Variants in TTLL5 observed in about 807,000 individuals in gnomAD.
The protein encoded by TTLL5 is tubulin polyglutamylase TTLL5.
Under a neutral mutation model 168.4 loss-of-function variants are expected in TTLL5, and 132 were observed. That is an observed-to-expected ratio of 0.78 (90% CI 0.68 to 0.91). The LOEUF (loss-of-function observed/expected upper bound fraction) is 0.91, where lower values mean the gene tolerates loss of function less well. TTLL5 is among the 40% of genes least tolerant of loss of function. The pLI is 0.00. For missense variants in TTLL5, 1,545 were observed against 1,581.5 expected, an observed-to-expected ratio of 0.98 and a Z score of 0.39; for synonymous variants, 546 against 558.6, an observed-to-expected ratio of 0.98 and a Z score of 0.32.
At chr14:75,733,495 G>T (rs1888681481) in intron 13 of TTLL5, among the ~76,000 whole-genome samples, 1 of 151,840 alleles carries the variant, frequency 6.6e-6, no homozygotes, top group Non-Finnish European at 1.5e-5. Flanking sequence ...AAGCCTGCAA[G>T]CCTAAGAAAT....
At chr14:75,780,452 C>T (rs1891980688) in intron 24 of TTLL5, among the ~76,000 whole-genome samples, 1 of 151,958 alleles carries the variant, frequency 6.6e-6, no homozygotes. Flanking sequence ...CTGTCTAGCT[C>T]ACGTCACCAT....
intron 26 of TTLL5, among the ~76,000 whole-genome samples, chr14:75,787,002 G>A (rs558719575): frequency 1.3e-5 from 2 of 152,062 alleles, no homozygotes; most frequent in African/African-American, 2.4e-5. Flanking sequence ...GCATGGTGGC[G>A]CTGGCCTGTA....
intron 31 of TTLL5, among the ~76,000 whole-genome samples, chr14:75,906,095 G>A (rs1020783791): frequency 6.6e-6 from 1 of 152,128 alleles, no homozygotes; most frequent in African/African-American, 2.4e-5. Context: ...CACTTCGTTG[G>A]GTCCCTGAGA....
chr14:75,720,581 A>C lies in TTLL5; in HGVS notation c.935-15A>C, dbSNP rs1043689423. Reference sequence around the variant, plus strand: ...TTTGATATTGAGTCTGAAATTTAAAAATTTTTGTTTGCAGCATTGATGGCC... The same window carrying C: ...TTTGATATTGAGTCTGAAATTTAAACATTTTTGTTTGCAGCATTGATGGCC... On this transcript the variant is annotated splice_polypyrimidine_tract_variant and intron_variant, in intron 11 of 31. Coordinates refer to ENST00000298832, the MANE Select transcript of TTLL5 (RefSeq NM_015072.5). 14 of 1,602,258 alleles carry C rather than the reference A, an allele frequency of 8.7e-6. No individual in the cohort carries two copies. In the Admixed American group the frequency reaches 1.7e-4, roughly 19 times the overall value.
At chr14:75,906,948 G>T (rs2033171840) in intron 31 of TTLL5, among the ~76,000 whole-genome samples, 1 of 152,022 alleles carries the variant, frequency 6.6e-6, no homozygotes, top group Admixed American at 6.6e-5. Flanking sequence ...AAAAATACGA[G>T]GATTTTAAGA....
chr14:75,820,927 G>C (rs1894795908), intron 28 of TTLL5, among the ~76,000 whole-genome samples: 1 of 152,080 alleles, frequency 6.6e-6, no homozygotes, highest in Non-Finnish European at 1.5e-5. Flanking sequence ...CTGTTACAGT[G>C]AAGTATTTTG....
chr14:75,757,435 A>G (rs1307659892), intron 18 of TTLL5, among the ~76,000 whole-genome samples: 1 of 152,226 alleles, frequency 6.6e-6, no homozygotes, highest in African/African-American at 2.4e-5. Context: ...GCTCAGATGT[A>G]AGCCCTTTAA....
chr14:75,720,586 T>C lies in TTLL5; in HGVS notation c.935-10T>C, dbSNP rs772154589. 2 of 1,607,100 alleles carry C rather than the reference T, an allele frequency of 1.2e-6. No individual in the cohort carries two copies. Among genetic ancestry groups the C allele is most frequent in the Admixed American group, 1.7e-5 (1 of 59,614 alleles). The stretch of plus-strand genomic sequence containing the variant: ...TATTGAGTCTGAAATTTAAAAATTT[T>C]TGTTTGCAGCATTGATGGCCCATGT... On this transcript the variant is annotated splice_polypyrimidine_tract_variant and intron_variant, in intron 11 of 31. Transcript: ENST00000298832.
At chr14:75,680,018 T>A (rs1199960516) in intron 3 of TTLL5, among the ~76,000 whole-genome samples, 1 of 152,248 alleles carries the variant, frequency 6.6e-6, no homozygotes, top group African/African-American at 2.4e-5. Context: ...CTACAGAGGC[T>A]GAATATTGTT....
chr14:75,801,390 C>T (rs763676684), intron 27 of TTLL5, among the ~76,000 whole-genome samples: 40 of 152,194 alleles, frequency 2.6e-4, no homozygotes, highest in African/African-American at 8.2e-4. Context: ...TATTTTGATA[C>T]AGGCATATAG....
intron 31 of TTLL5, among the ~76,000 whole-genome samples, chr14:75,922,383 C>T (rs1340947115): frequency 6.6e-6 from 1 of 152,088 alleles, no homozygotes; most frequent in East Asian, 1.9e-4. Flanking sequence ...ATAAATAGCT[C>T]TTATTATTTT....
At chr14:75,885,584 A>T (rs145306103) in intron 30 of TTLL5, among the ~76,000 whole-genome samples, 1 of 152,282 alleles carries the variant, frequency 6.6e-6, no homozygotes, top group African/African-American at 2.4e-5. Context: ...GGAAACTGTC[A>T]TTGGCACATT....
chr14:75,728,482 C>A (rs1045906053), intron 12 of TTLL5, among the ~76,000 whole-genome samples: 3 of 151,954 alleles, frequency 2.0e-5, no homozygotes, highest in Non-Finnish European at 4.4e-5. Context: ...AGTTTGGAGC[C>A]TGGTGGATGG....
chr14:75,875,061 G>T (rs1426849606), intron 29 of TTLL5, among the ~76,000 whole-genome samples: 2 of 148,364 alleles, frequency 1.3e-5, no homozygotes, highest in African/African-American at 2.5e-5. Context: ...ATCCTCCCAA[G>T]TAACTGAGAC....
At chr14:75,709,407 G>A (rs191812845) in intron 9 of TTLL5, 42 of 525,376 alleles carry the variant, frequency 8.0e-5, no homozygotes, top group Non-Finnish European at 1.4e-4. Flanking sequence ...CCTCTAGGTG[G>A]CAGTCACAGC....
intron 21 of TTLL5, among the ~76,000 whole-genome samples, chr14:75,774,294 G>A (rs914551052): frequency 1.3e-5 from 2 of 151,894 alleles, no homozygotes; most frequent in African/African-American, 4.8e-5. Context: ...AAAATCCTTT[G>A]CCCCCATCTT....
chr14:75,790,181 G>C (rs943912094), intron 26 of TTLL5, among the ~76,000 whole-genome samples: 1 of 152,068 alleles, frequency 6.6e-6, no homozygotes. Flanking sequence ...CTCACACCAT[G>C]TATAAAATCA....
chr14:75,910,885 T>C (rs2033350995), intron 31 of TTLL5, among the ~76,000 whole-genome samples: 1 of 152,224 alleles, frequency 6.6e-6, no homozygotes, highest in Admixed American at 6.5e-5. Flanking sequence ...AACAGTAGTC[T>C]CTTATACTTC....
At chr14:75,847,361 G>A (rs1264908698) in intron 28 of TTLL5, among the ~76,000 whole-genome samples, 2 of 151,710 alleles carry the variant, frequency 1.3e-5, no homozygotes, top group Admixed American at 1.3e-4. Flanking sequence ...ATACCAAGAG[G>A]GTCCAGTTTG....
Sources: gnomAD v4.1 joint callset for allele counts (sites outside exome capture counted in the v4.1 genomes callset) on GRCh38, gnomAD v4.1.1 for gene constraint, MANE v1.5 for transcripts, NCBI Gene and HGNC (gene_info 2026-07-23, HGNC 2026-07-21) for gene names.